HIF3A: variants seen among roughly 807,000 people sequenced by gnomAD.
HIF3A encodes the protein hypoxia inducible factor 3 subunit alpha.
In HIF3A, 41 loss-of-function variants were observed where a neutral mutation model predicts 67.2. That is an observed-to-expected ratio of 0.61 (90% CI 0.48 to 0.79). The LOEUF (loss-of-function observed/expected upper bound fraction) is 0.79, where lower values mean the gene tolerates loss of function less well. Among genes scored for constraint, HIF3A ranks in the 30% least tolerant of loss-of-function variants. HIF3A has a pLI of 0.00. For synonymous variants in HIF3A, 356 were observed against 374.8 expected, an observed-to-expected ratio of 0.95 and a Z score of 0.58; for missense variants, 855 against 898.0, an observed-to-expected ratio of 0.95 and a Z score of 0.61.
intron 12 of HIF3A, among the ~76,000 whole-genome samples, chr19:46,330,481 T>TG (rs1225975827): frequency 6.7e-6 from 1 of 149,864 alleles, no homozygotes; most frequent in African/African-American, 2.5e-5. Flanking sequence ...ATGAATCGGA[T>TG]GGATGGAGGG....
intron 8 of HIF3A, among the ~76,000 whole-genome samples, chr19:46,316,137 A>C (rs1233969500): frequency 1.3e-5 from 2 of 151,992 alleles, no homozygotes; most frequent in Non-Finnish European, 2.9e-5. Context: ...AGGCTGAGGC[A>C]GGAGAATCAC....
chr19:46,313,121 C>A, intron 8 of HIF3A: 3 of 564,942 alleles, frequency 5.3e-6, no homozygotes, highest in South Asian at 7.8e-5. Context: ...TGTGGTGACA[C>A]ATGCCTGTAA....
At chr19:46,304,187 A>C in intron 2 of HIF3A, 99 bp downstream of exon 2, 1 of 1,085,960 alleles carries the variant, frequency 9.2e-7, no homozygotes. Context: ...CCTTATTCTG[A>C]CAAAGCCCCG....
intron 1 of HIF3A, among the ~76,000 whole-genome samples, chr19:46,302,440 C>CT (rs535216346): frequency 0.028 from 4,013 of 142,074 alleles, 63 homozygotes; most frequent in Non-Finnish European, 0.044. Context: ...TGTTTTTTGT[C>CT]TTTTTTTAGA....
At position 46,330,398 on chromosome 19, in the gene HIF3A, A is replaced by G. The variant is rs116899842; in HGVS notation, c.1713-758A>G. ...ATGGATGAATGATGGATGTCTGGGT[A>G]GACAGAAGGATTGATGGATGGGTCA... On this transcript the variant is annotated intron_variant, in intron 12 of 14. Coordinates refer to ENST00000377670, the MANE Select transcript of HIF3A (RefSeq NM_152795.4). Among the ~76,000 whole-genome samples the G allele has an allele frequency of 3.0e-4, 46 of 152,046 alleles. No homozygotes were observed. In the East Asian group the frequency reaches 7.0e-3, roughly 23 times the overall value.
chr19:46,339,603 G>C lies in HIF3A; in HGVS notation c.1991G>C (p.Gly664Ala), dbSNP rs1971859717. The C allele has an allele frequency of 6.2e-7, 1 of 1,606,686 alleles. No homozygotes were observed. The highest frequency in any genetic ancestry group is 8.5e-7 in the Non-Finnish European group (1 of 1,175,836). ...GGGGGCCCCTTCCAGCCAAGGGCAG[G>C]CTCAGCCCAGGCTGACTGAGCCGGC... ...QPGGPFQPRA[G>A]SAQAD Residue 664 changes from glycine (G) to alanine (A), a missense_variant, in exon 15 of 15, where the codon GGC (glycine) becomes GCC (alanine). Around this residue, in one of 3 missense-constraint regions of HIF3A, gnomAD observed 199 missense variants for 193.8 expected, o/e 1.03. Coordinates refer to ENST00000377670, the MANE Select transcript of HIF3A (RefSeq NM_152795.4).
intron 10 of HIF3A, among the ~76,000 whole-genome samples, chr19:46,324,870 C>A (rs148390174): frequency 6.8e-6 from 1 of 147,514 alleles, no homozygotes; most frequent in Non-Finnish European, 1.5e-5. Context: ...AAAGTCTTGG[C>A]CTCAAGCTCA....
intron 8 of HIF3A, among the ~76,000 whole-genome samples, chr19:46,316,994 G>A (rs1045829406): frequency 1.4e-4 from 22 of 152,172 alleles, no homozygotes; most frequent in Middle Eastern, 6.8e-3. Flanking sequence ...GCAGGCTGGA[G>A]AGCCGTGGCA....
intron 7 of HIF3A, 53 bp from the exon 8 acceptor site, chr19:46,312,452 CT>C: frequency 6.2e-7 from 1 of 1,606,916 alleles, no homozygotes. Flanking sequence ...CCAGATATTT[CT>C]CTCCCCATTT....
Position 46,325,203 on chromosome 19 carries a change from G to C in HIF3A, c.1336-332G>C, listed in dbSNP as rs574950900. 4.3e-3 allele frequency among the ~76,000 whole-genome samples: 646 copies of C among 151,804 alleles called. 6 individuals carry two copies. Among genetic ancestry groups the C allele is most frequent in the African/African-American group, 0.015 (605 of 41,414 alleles). ...GTAGAGACAGGGTTTCACCCTGTTG[G>C]CCAAGCTGGTCTCGAATTCCTGACC... is the stretch of plus-strand genomic sequence containing the variant. On this transcript the variant is annotated intron_variant, in intron 10 of 14. Coordinates refer to ENST00000377670, the MANE Select transcript of HIF3A (RefSeq NM_152795.4).
chr19:46,335,247 CATTTATTTATTTATTT>C (rs374748726), intron 14 of HIF3A, among the ~76,000 whole-genome samples: 37 of 146,290 alleles, frequency 2.5e-4, no homozygotes, highest in African/African-American at 9.4e-4. Flanking sequence ...CCTATGATCA[CATTTATTTATTTATTT>C]ATTTATTTAT....
chr19:46,334,417 A>G (rs1253018565), intron 13 of HIF3A, among the ~76,000 whole-genome samples: 2 of 152,078 alleles, frequency 1.3e-5, no homozygotes, highest in Non-Finnish European at 2.9e-5. Flanking sequence ...ATTTTTTTGT[A>G]GAGATAGGGT....
chr19:46,333,784 C>CTT (rs1971409521), intron 13 of HIF3A, among the ~76,000 whole-genome samples: 2 of 127,978 alleles, frequency 1.6e-5, no homozygotes, highest in African/African-American at 6.2e-5. Flanking sequence ...TCTTTTCTTT[C>CTT]TTTCTTTTTT....
intron 6 of HIF3A, 41 bp from the exon 7 acceptor site, chr19:46,312,120 C>T (rs1240321023): frequency 6.9e-7 from 1 of 1,446,448 alleles, no homozygotes; most frequent in Non-Finnish European, 9.7e-7. Context: ...CTCTCTCACC[C>T]AGTAGCATCC....
intron 10 of HIF3A, among the ~76,000 whole-genome samples, chr19:46,324,849 C>A (rs547975319): frequency 1.2e-4 from 17 of 147,678 alleles, no homozygotes; most frequent in African/African-American, 3.7e-4. Context: ...GTAAGACTCC[C>A]TTTCAAAAAA....
Position 46,305,249 on chromosome 19 carries a change from G to A in HIF3A, c.222G>A (p.Glu74=). 1.2e-6 allele frequency: 2 copies of A among 1,614,040 alleles called. No homozygotes were observed. The highest frequency in any genetic ancestry group is 2.7e-5 in the African/African-American group (2 of 75,066). Residue 74 remains glutamate (E), a synonymous_variant, in exon 3 of 15, where the codon GAG becomes GAA. Coordinates refer to ENST00000377670, the MANE Select transcript of HIF3A (RefSeq NM_152795.4). ...LRMHRLCAAG[E]WNQVGAGGEP... is the part of the protein sequence containing the mutation. ...TCCCCCTGCCCCGGGCACCAGGGGA[G>A]TGGAACCAGGTGGGAGCAGGGGGAG... is the stretch of plus-strand genomic sequence containing the variant.
chr19:46,338,121 G>A (rs1971759642), intron 14 of HIF3A: 1 of 447,202 alleles, frequency 2.2e-6, no homozygotes, highest in Admixed American at 2.4e-5. Flanking sequence ...AGGGCAGGGA[G>A]ATTCATCCAT....
rs935535579 is a variant in HIF3A, at chr19:46,312,782, G to C, written c.1025+129G>C. On this transcript the variant is annotated intron_variant, in intron 8 of 14. Coordinates refer to ENST00000377670, the MANE Select transcript of HIF3A (RefSeq NM_152795.4). ...ATCATGCATAAGTGTATGTGAGGGA[G>C]TGTGCACGTGTACACATATGAGGAA... is the stretch of plus-strand genomic sequence containing the variant. 4.9e-6 allele frequency: 7 copies of C among 1,432,900 alleles called. No homozygotes were observed. The African/African-American group carries it at 8.6e-5, about 18-fold the overall frequency. The allele number at this position is 1,432,900 out of a possible 1,614,324, so 88.8% of individuals were successfully genotyped here.
Position 46,334,923 on chromosome 19 carries a change from G to C in HIF3A, c.1849G>C (p.Gly617Arg). Reference protein sequence around the residue: ...PLSLSFLLTGGPAPGSLQDPS... With the variant: ...PLSLSFLLTGRPAPGSLQDPS... Reference sequence around the variant, plus strand: ...CCCACAGAGTTTCCTTCTGACAGGAGGACCAGCCCCAGGGAGCCTGCAGGA... The same window carrying C: ...CCCACAGAGTTTCCTTCTGACAGGACGACCAGCCCCAGGGAGCCTGCAGGA... Residue 617 changes from glycine (G) to arginine (R), a missense_variant, in exon 14 of 15, where the codon GGA (glycine) becomes CGA (arginine). Physicochemically the swap from Gly to Arg is moderately radical, Grantham distance 125. Coordinates refer to ENST00000377670, the MANE Select transcript of HIF3A (RefSeq NM_152795.4). 1 of 1,609,234 alleles carries C rather than the reference G, an allele frequency of 6.2e-7. No homozygotes were observed. Among genetic ancestry groups the C allele is most frequent in the Non-Finnish European group, 8.5e-7 (1 of 1,177,850 alleles).
Sources: allele counts gnomAD v4.1 joint callset (sites outside exome capture counted in the v4.1 genomes callset), GRCh38; gene constraint gnomAD v4.1.1; regional missense constraint gnomAD v4.1.1; transcripts MANE v1.5; gene names NCBI Gene and HGNC (gene_info 2026-07-23, HGNC 2026-07-21).